FHIT: variants seen among roughly 807,000 people sequenced by gnomAD.
FHIT encodes fragile histidine triad diadenosine triphosphatase, also known as bis(5'-adenosyl)-triphosphatase.
FHIT carries 19 observed loss-of-function variants against 17.9 expected under a neutral mutation model. That is an observed-to-expected ratio of 1.06 (90% CI 0.74 to 1.56). The LOEUF is 1.56. Ranked by LOEUF, FHIT falls within the 40% of genes most tolerant of loss-of-function variation. FHIT has a pLI of 0.00. For missense variants in FHIT, 248 were observed against 189.2 expected, an observed-to-expected ratio of 1.31 and a Z score of -1.82; for synonymous variants, 81 against 69.7, an observed-to-expected ratio of 1.16 and a Z score of -0.81.
chr3:60,862,970 G>T (rs1703987763), intron 3 of FHIT, among the ~76,000 whole-genome samples: 1 of 152,134 alleles, frequency 6.6e-6, no homozygotes, highest in Non-Finnish European at 1.5e-5. Context: ...TTTAACATAG[G>T]AAGGTTATCT....
intron 3 of FHIT, among the ~76,000 whole-genome samples, chr3:60,874,104 G>C (rs1704537260): frequency 6.6e-6 from 1 of 152,074 alleles, no homozygotes; most frequent in East Asian, 1.9e-4. Flanking sequence ...GTGTAACCTG[G>C]GGCATGATAT....
At position 59,971,005 on chromosome 3, in the gene FHIT, C is replaced by A. The variant is rs149199093; in HGVS notation, c.279+40366G>T. Among the ~76,000 whole-genome samples, 590 of 152,042 alleles carry A rather than the reference C, an allele frequency of 3.9e-3. 2 individuals carry two copies. The highest frequency in any genetic ancestry group is 0.013 in the African/African-American group (555 of 41,456). ...TTCAGAATATGTGTGGACTTGTCAG[C>A]AGCTCAGCTGCACACAATTATGGGG... On this transcript the variant is annotated intron_variant, in intron 7 of 9. Coordinates refer to ENST00000492590, the MANE Select transcript of FHIT (RefSeq NM_002012.4).
At chr3:59,950,361 A>C (rs1707052259) in intron 7 of FHIT, among the ~76,000 whole-genome samples, 1 of 151,960 alleles carries the variant, frequency 6.6e-6, no homozygotes, top group African/African-American at 2.4e-5. Context: ...CTCCCTGTTC[A>C]CATGTACCAG....
chr3:60,770,392 C>T (rs964584227), intron 4 of FHIT, among the ~76,000 whole-genome samples: 10 of 152,114 alleles, frequency 6.6e-5, no homozygotes, highest in African/African-American at 2.2e-4. Flanking sequence ...GTTTGCTCCA[C>T]ATCATGAATT....
intron 3 of FHIT, among the ~76,000 whole-genome samples, chr3:61,038,550 T>A (rs892468989): frequency 3.9e-5 from 6 of 152,216 alleles, no homozygotes; most frequent in African/African-American, 1.4e-4. Flanking sequence ...GAAGTTTCAA[T>A]GTGGAGCTGG....
intron 4 of FHIT, among the ~76,000 whole-genome samples, chr3:60,714,152 C>T (rs2041616545): frequency 1.3e-5 from 2 of 152,134 alleles, no homozygotes; most frequent in South Asian, 4.1e-4. Context: ...TAAATGTAAT[C>T]CAGCATATAA....
At chr3:60,395,715 C>T (rs1382237419) in intron 5 of FHIT, among the ~76,000 whole-genome samples, 2 of 152,104 alleles carry the variant, frequency 1.3e-5, no homozygotes, top group Admixed American at 6.5e-5. Context: ...AAGTAATTCC[C>T]AAGATCAAAT....
intron 5 of FHIT, among the ~76,000 whole-genome samples, chr3:60,238,818 A>G (rs1201327968): frequency 6.6e-6 from 1 of 152,172 alleles, no homozygotes; most frequent in Non-Finnish European, 1.5e-5. Flanking sequence ...GCAAAAAGAA[A>G]AGTATTGAAT....
chr3:60,289,420 T>C (rs757404831), intron 5 of FHIT, among the ~76,000 whole-genome samples: 2 of 152,300 alleles, frequency 1.3e-5, no homozygotes, highest in South Asian at 2.1e-4. Flanking sequence ...AAAATATCCA[T>C]TCCATGGCTC....
At chr3:60,281,244 G>A (rs1289242916) in intron 5 of FHIT, among the ~76,000 whole-genome samples, 1 of 152,098 alleles carries the variant, frequency 6.6e-6, no homozygotes, top group African/African-American at 2.4e-5. Context: ...AGGAAGACTT[G>A]ATACTGTTAT....
At chr3:60,508,686 T>C (rs965605764) in intron 5 of FHIT, among the ~76,000 whole-genome samples, 6 of 152,182 alleles carry the variant, frequency 3.9e-5, no homozygotes, top group Non-Finnish European at 5.9e-5. Flanking sequence ...TTGAATTCTA[T>C]TCCTTCTATT....
rs916353725 is a variant in FHIT at position 59,975,585 on chromosome 3, C to T, written c.279+35786G>A. Reference sequence around the variant, plus strand: ...TCTACAATTGACGGTACAAAGAATGCTTCTGCTTGAAGTTGCAAAATGTTA... The same window carrying T: ...TCTACAATTGACGGTACAAAGAATGTTTCTGCTTGAAGTTGCAAAATGTTA... On this transcript the variant is annotated intron_variant, in intron 7 of 9. Coordinates refer to ENST00000492590, the MANE Select transcript of FHIT (RefSeq NM_002012.4). Among the ~76,000 whole-genome samples the T allele has an allele frequency of 3.3e-5, 5 of 151,844 alleles. No individual in the cohort carries two copies. The South Asian group carries it at 6.2e-4, about 19-fold the overall frequency.
intron 5 of FHIT, among the ~76,000 whole-genome samples, chr3:60,437,022 T>C (rs914457572): frequency 1.3e-5 from 2 of 152,098 alleles, no homozygotes; most frequent in Non-Finnish European, 1.5e-5. Flanking sequence ...ACCTCGTATT[T>C]TGTACTTTCC....
At chr3:59,787,207 A>C (rs954946223) in intron 8 of FHIT, among the ~76,000 whole-genome samples, 4 of 152,218 alleles carry the variant, frequency 2.6e-5, no homozygotes, top group Non-Finnish European at 5.9e-5. Flanking sequence ...AATATCTCCC[A>C]GATAATAAGT....
At chr3:61,183,848 T>C (rs2038419444) in intron 2 of FHIT, among the ~76,000 whole-genome samples, 1 of 151,954 alleles carries the variant, frequency 6.6e-6, no homozygotes, top group Non-Finnish European at 1.5e-5. Flanking sequence ...TGGAGCAGGT[T>C]AGCAGGTCTC....
At chr3:60,368,016 T>A (rs1009157267) in intron 5 of FHIT, among the ~76,000 whole-genome samples, 1 of 152,130 alleles carries the variant, frequency 6.6e-6, no homozygotes, top group Non-Finnish European at 1.5e-5. Flanking sequence ...TTCCATGAAA[T>A]GAAAATCCAA....
chr3:60,138,195 G>A (rs1237835140), intron 5 of FHIT, among the ~76,000 whole-genome samples: 2 of 152,170 alleles, frequency 1.3e-5, no homozygotes, highest in Non-Finnish European at 1.5e-5. Flanking sequence ...TGACGCAAAG[G>A]AAGTCAGAAG....
At chr3:60,657,594 C>T (rs1420242472) in intron 4 of FHIT, among the ~76,000 whole-genome samples, 10 of 152,148 alleles carry the variant, frequency 6.6e-5, no homozygotes, top group African/African-American at 2.2e-4. Context: ...GAAAGTACTG[C>T]TATTGACCAA....
At chr3:60,160,335 T>A (rs1021829800) in intron 5 of FHIT, among the ~76,000 whole-genome samples, 1 of 152,202 alleles carries the variant, frequency 6.6e-6, no homozygotes, top group Non-Finnish European at 1.5e-5. Context: ...GACTGCTCAT[T>A]TGAACTTGCT....
Sources: allele counts gnomAD v4.1 joint callset (sites outside exome capture counted in the v4.1 genomes callset), GRCh38; gene constraint gnomAD v4.1.1; transcripts MANE v1.5; gene names NCBI Gene and HGNC (gene_info 2026-07-23, HGNC 2026-07-21).